The following ZNF804B variants were observed in gnomAD, a reference collection of about 807,000 sequenced individuals.
ZNF804B encodes zinc finger 804B.
A neutral mutation model predicts 101.4 loss-of-function variants in ZNF804B; 80 were observed. The observed-to-expected ratio is 0.79, with a 90% confidence interval of 0.66 to 0.95. The LOEUF is 0.95. ZNF804B is among the 40% of genes least tolerant of loss of function. The pLI, the probability that ZNF804B is intolerant of heterozygous loss-of-function variation, is 0.00. For synonymous variants in ZNF804B, 622 were observed against 558.8 expected (o/e 1.11, Z -1.59); for missense variants, 1,673 against 1,561.9 (o/e 1.07, Z -1.20).
Position 89,336,288 on chromosome 7 carries a change from T to G in ZNF804B, c.3306T>G (p.Asp1102Glu). ...ACCAAATAAATCTAGACTTACAGGA[T>G]GTAAGCATGCATATAAATCATGTAG... is the stretch of plus-strand genomic sequence containing the variant. ...QEDQINLDLQ[D>E]VSMHINHVEG... The change falls in exon 4 of 4, where the codon GAT (aspartate) becomes GAG (glutamate). Residue 1102 changes from aspartate to glutamate, a missense_variant. Physicochemically the swap from Asp to Glu is conservative, Grantham distance 45 (BLOSUM62 2). Coordinates refer to ENST00000333190, the MANE Select transcript of ZNF804B (RefSeq NM_181646.5). 1.2e-6 allele frequency: 2 copies of G among 1,613,880 alleles called. No individual in the cohort carries two copies. Among genetic ancestry groups the G allele is most frequent in the Non-Finnish European group, 1.7e-6 (2 of 1,179,954 alleles).
intron 1 of ZNF804B, among the ~76,000 whole-genome samples, chr7:88,927,408 G>A (rs1034508340): frequency 6.6e-6 from 1 of 152,088 alleles, no homozygotes; most frequent in Non-Finnish European, 1.5e-5. Flanking sequence ...TATCTAATAC[G>A]TTCAAACACA....
At chr7:89,202,904 A>G (rs1311898168) in intron 1 of ZNF804B, among the ~76,000 whole-genome samples, 1 of 152,080 alleles carries the variant, frequency 6.6e-6, no homozygotes. Flanking sequence ...ATGGGCCCAC[A>G]ACTTCTATTC....
intron 1 of ZNF804B, among the ~76,000 whole-genome samples, chr7:89,163,362 G>C (rs1791096211): frequency 6.6e-6 from 1 of 151,998 alleles, no homozygotes; most frequent in African/African-American, 2.4e-5. Context: ...GTCACTTTTT[G>C]AATTGTGAAA....
chr7:89,259,964 G>A (rs1292781200), intron 2 of ZNF804B, among the ~76,000 whole-genome samples: 2 of 151,894 alleles, frequency 1.3e-5, no homozygotes, highest in Non-Finnish European at 2.9e-5. Context: ...CAACCTGGGC[G>A]ACAAAGCGAA....
chr7:89,116,542 A>C (rs185792412), intron 1 of ZNF804B, among the ~76,000 whole-genome samples: 1 of 152,324 alleles, frequency 6.6e-6, no homozygotes, highest in East Asian at 1.9e-4. Context: ...TTGAAATATA[A>C]TAAATCAATT....
intron 1 of ZNF804B, among the ~76,000 whole-genome samples, chr7:89,152,799 T>A (rs1013938664): frequency 1.3e-5 from 2 of 152,128 alleles, no homozygotes; most frequent in African/African-American, 4.8e-5. Context: ...CAAATTGACA[T>A]CTTTGTGCAT....
At chr7:88,813,580 C>T (rs1014141067) in intron 1 of ZNF804B, among the ~76,000 whole-genome samples, 1 of 151,982 alleles carries the variant, frequency 6.6e-6, no homozygotes, top group Non-Finnish European at 1.5e-5. Flanking sequence ...GATATAAACT[C>T]TTTTCTCGCT....
At chr7:89,122,551 C>G (rs894056426) in intron 1 of ZNF804B, among the ~76,000 whole-genome samples, 2 of 152,122 alleles carry the variant, frequency 1.3e-5, no homozygotes, top group East Asian at 3.8e-4. Flanking sequence ...CAATGGGGGC[C>G]ATCCATTCCC....
intron 1 of ZNF804B, among the ~76,000 whole-genome samples, chr7:88,842,390 A>T (rs1583970260): frequency 6.6e-6 from 1 of 152,146 alleles, no homozygotes; most frequent in South Asian, 2.1e-4. Flanking sequence ...CTGTTGGGAG[A>T]ACATAAATCA....
rs116122191 is a variant in ZNF804B, at chr7:88,971,422, C to G, written c.108+211338C>G. On this transcript the variant is annotated intron_variant, in intron 1 of 3. Transcript: ENST00000333190. Reference sequence around the variant, plus strand: ...AATATATATTATCATGTACAAAACTCTGAGATATATTCTGTCATTCTTCTA... The same window carrying G: ...AATATATATTATCATGTACAAAACTGTGAGATATATTCTGTCATTCTTCTA... 3.0e-3 allele frequency among the ~76,000 whole-genome samples: 459 copies of G among 151,716 alleles called. 2 individuals are homozygous for G. Among genetic ancestry groups the G allele is most frequent in the African/African-American group, 0.01 (434 of 41,474 alleles).
At chr7:88,954,218 A>G (rs1342511454) in intron 1 of ZNF804B, among the ~76,000 whole-genome samples, 6 of 151,680 alleles carry the variant, frequency 4.0e-5, no homozygotes, top group African/African-American at 1.4e-4. Flanking sequence ...GTGAATAAAG[A>G]TTGACTTTTT....
rs534022049 is a variant in ZNF804B, at chr7:89,154,270, T to C, written c.109-63885T>C. Among the ~76,000 whole-genome samples, 17 of 152,290 alleles carry C rather than the reference T, an allele frequency of 1.1e-4. No homozygotes were observed. In the South Asian group the frequency reaches 3.3e-3, roughly 30 times the overall value. On this transcript the variant is annotated intron_variant, in intron 1 of 3. Transcript: ENST00000333190. Reference sequence around the variant, plus strand: ...AGATGTATAGAAAAGGGAACACTTATACACCACTGGTGAGAATGTCAATTA... The same window carrying C: ...AGATGTATAGAAAAGGGAACACTTACACACCACTGGTGAGAATGTCAATTA...
chr7:88,874,521 G>C (rs556376167), intron 1 of ZNF804B, among the ~76,000 whole-genome samples: 2 of 152,138 alleles, frequency 1.3e-5, no homozygotes, highest in African/African-American at 4.8e-5. Flanking sequence ...AATAGGAGTG[G>C]TGAGAGAGAG....
At chr7:88,870,112 C>T (rs547582421) in intron 1 of ZNF804B, among the ~76,000 whole-genome samples, 6 of 151,440 alleles carry the variant, frequency 4.0e-5, no homozygotes, top group Non-Finnish European at 7.4e-5. Context: ...TTGGGCCGGG[C>T]GCGGTGGCTC....
intron 1 of ZNF804B, among the ~76,000 whole-genome samples, chr7:88,819,126 T>C (rs1790933746): frequency 6.6e-6 from 1 of 152,068 alleles, no homozygotes; most frequent in Non-Finnish European, 1.5e-5. Context: ...CTTTTTTTTG[T>C]TTTGTTTTGT....
chr7:89,148,863 T>TA (rs534561475), intron 1 of ZNF804B, among the ~76,000 whole-genome samples: 5 of 152,062 alleles, frequency 3.3e-5, no homozygotes, highest in Non-Finnish European at 4.4e-5. Context: ...ATCCTTGTTC[T>TA]AAAAAAAGTC....
chr7:89,234,624 C>G (rs1049250691), intron 2 of ZNF804B, among the ~76,000 whole-genome samples: 3 of 152,042 alleles, frequency 2.0e-5, no homozygotes, highest in African/African-American at 7.2e-5. Flanking sequence ...CAGATGAAAG[C>G]GAGGGGTTTC....
chr7:89,268,499 C>G (rs1789833693), intron 2 of ZNF804B, among the ~76,000 whole-genome samples: 1 of 151,948 alleles, frequency 6.6e-6, no homozygotes, highest in Admixed American at 6.6e-5. Context: ...ATTCCAACAG[C>G]TTTTTAACAG....
At chr7:89,143,034 T>C (rs1790740282) in intron 1 of ZNF804B, among the ~76,000 whole-genome samples, 1 of 151,920 alleles carries the variant, frequency 6.6e-6, no homozygotes, top group African/African-American at 2.4e-5. Context: ...CATGGAGGTT[T>C]TGTGGGAGGA....
Sources: gnomAD v4.1 joint callset for allele counts (sites outside exome capture counted in the v4.1 genomes callset) on GRCh38, gnomAD v4.1.1 for gene constraint, MANE v1.5 for transcripts, NCBI Gene and HGNC (gene_info 2026-07-23, HGNC 2026-07-21) for gene names.